FRMPD1: variants seen among roughly 807,000 people sequenced by gnomAD.
FRMPD1 encodes FERM and PDZ domain-containing protein 1.
Under a neutral mutation model 117.8 loss-of-function variants are expected in FRMPD1, and 76 were observed. The ratio of observed to expected loss-of-function variants is 0.65; its 90% CI spans 0.54 to 0.78. FRMPD1 has a LOEUF of 0.78. FRMPD1 is among the 30% of genes least tolerant of loss of function. The probability of loss-of-function intolerance (pLI) is 0.00; values close to 1 mark genes in which losing one functional copy is unlikely to be tolerated. For missense variants in FRMPD1, 1,786 were observed against 1,964.5 expected (o/e 0.91, Z 1.72); for synonymous variants, 783 against 770.4 (o/e 1.02, Z -0.27).
upstream of FRMPD1, among the ~76,000 whole-genome samples, chr9:37,650,393 G>A (rs1820628674): frequency 6.6e-6 from 1 of 152,148 alleles, no homozygotes; most frequent in African/African-American, 2.4e-5. Flanking sequence ...GCCGAGGAAA[G>A]CTAGGAGAAC....
At chr9:37,664,819 T>C (rs1821112390) in intron 1 of FRMPD1, among the ~76,000 whole-genome samples, 1 of 152,124 alleles carries the variant, frequency 6.6e-6, no homozygotes, top group East Asian at 1.9e-4. Context: ...TAGGGGTGAC[T>C]GAGTAATTGG....
intron 1 of FRMPD1, among the ~76,000 whole-genome samples, chr9:37,685,947 G>T (rs775517172): frequency 6.6e-6 from 1 of 152,184 alleles, no homozygotes; most frequent in Non-Finnish European, 1.5e-5. Context: ...CTTTTGAAGG[G>T]TTTATAACCT....
intron 1 of FRMPD1, among the ~76,000 whole-genome samples, chr9:37,686,795 A>G (rs10973487): frequency 0.19 from 28,308 of 152,248 alleles, 3,134 homozygotes; most frequent in Non-Finnish European, 0.26. Flanking sequence ...GATGGCCTTC[A>G]GTCCTATGGA....
Position 37,740,795 on chromosome 9 carries a change from T to C in FRMPD1, c.2267T>C (p.Leu756Pro), listed in dbSNP as rs754631315. ...QPSSMLEPLA[L>P]HPPLAFEDGS... ...AGTTCCATGCTGGAACCCCTGGCCC[T>C]GCACCCACCACTGGCCTTTGAGGAT... The change falls in exon 15 of 16, where the codon CTG becomes CCG. Residue 756 changes from leucine to proline, a missense_variant. By Grantham distance (98) the Leu-to-Pro change is moderately conservative. Transcript: ENST00000377765. The surrounding 1 kb of genome is among the most constrained non-coding windows in gnomAD (Gnocchi z 4.2). The C allele has an allele frequency of 4.3e-6, 7 of 1,614,098 alleles. No individual in the cohort carries two copies. In the East Asian group the frequency reaches 1.6e-4, roughly 36 times the overall value.
At chr9:37,733,328 A>T in intron 10 of FRMPD1, 145 bp from the exon 11 acceptor site, 1 of 753,088 alleles carries the variant, frequency 1.3e-6, no homozygotes. Flanking sequence ...TGTGTGTGTG[A>T]GAAAGAAAAA....
the FRMPD1 span, among the ~76,000 whole-genome samples, chr9:37,639,996 T>G: frequency 6.6e-6 from 1 of 152,214 alleles, no homozygotes; most frequent in African/African-American, 2.4e-5. Flanking sequence ...TCAGGCCAAG[T>G]AGATGCCTCT....
At position 37,685,461 on chromosome 9, in the gene FRMPD1, G is replaced by A. The variant is rs575248148; in HGVS notation, c.-4-7177G>A. On this transcript the variant is annotated intron_variant, in intron 1 of 15. Transcript: ENST00000377765. Reference sequence around the variant, plus strand: ...GATCGAGACTATCCTGGCTAACACGGTGAAACCCTGTCTCTACTAAAAATA... The same window carrying A: ...GATCGAGACTATCCTGGCTAACACGATGAAACCCTGTCTCTACTAAAAATA... Among the ~76,000 whole-genome samples, 15 of 151,820 alleles carry A rather than the reference G, an allele frequency of 9.9e-5. No individual in the cohort carries two copies. In the East Asian group the frequency reaches 2.7e-3, roughly 28 times the overall value.
At chr9:37,638,092 G>T in the FRMPD1 span, among the ~76,000 whole-genome samples, 1 of 135,078 alleles carries the variant, frequency 7.4e-6, no homozygotes, top group Non-Finnish European at 1.5e-5. Flanking sequence ...CTTTTCTTTC[G>T]AGACGGAGTC....
the FRMPD1 span, among the ~76,000 whole-genome samples, chr9:37,642,670 T>C: frequency 6.6e-6 from 1 of 152,166 alleles, no homozygotes; most frequent in Admixed American, 6.5e-5. Flanking sequence ...CTATTCACAT[T>C]GCCTGGAAGC....
the FRMPD1 span, among the ~76,000 whole-genome samples, chr9:37,615,326 G>T: frequency 6.6e-6 from 1 of 152,032 alleles, no homozygotes; most frequent in Non-Finnish European, 1.5e-5. Context: ...GCCTAGGCTG[G>T]TCTTGAACTC....
intron 1 of FRMPD1, among the ~76,000 whole-genome samples, chr9:37,671,782 G>A (rs1163210887): frequency 2.0e-5 from 3 of 152,078 alleles, no homozygotes; most frequent in Non-Finnish European, 2.9e-5. Flanking sequence ...CTTGGTCAAC[G>A]TGATGAAACC....
chr9:37,608,382 CTTTCT>C, the FRMPD1 span, among the ~76,000 whole-genome samples: 1 of 98,484 alleles, frequency 1.0e-5, no homozygotes, highest in Admixed American at 1.3e-4. Context: ...CTTTCTCTTT[CTTTCT>C]TTTTTTTTTT....
chr9:37,689,782 G>A (rs990151506), intron 1 of FRMPD1, among the ~76,000 whole-genome samples: 6 of 152,042 alleles, frequency 3.9e-5, no homozygotes, highest in Non-Finnish European at 4.4e-5. Flanking sequence ...AGTTTGATAG[G>A]GTATCGAATT....
At chr9:37,685,386 G>A (rs1821886297) in intron 1 of FRMPD1, among the ~76,000 whole-genome samples, 1 of 152,190 alleles carries the variant, frequency 6.6e-6, no homozygotes, top group Admixed American at 6.5e-5. Flanking sequence ...GCTCACGCCT[G>A]TAATCCCAGC....
At chr9:37,650,887 G>T (rs1016129707), upstream of FRMPD1, 9 of 148,248 alleles carry the variant, frequency 6.1e-5, no homozygotes, top group African/African-American at 2.2e-4. Flanking sequence ...CTCAGCACCT[G>T]CCGCCGCCAG....
chr9:37,667,735 C>T (rs1821211569), intron 1 of FRMPD1, among the ~76,000 whole-genome samples: 1 of 151,382 alleles, frequency 6.6e-6, no homozygotes, highest in African/African-American at 2.4e-5. Flanking sequence ...TCTTTTTCAA[C>T]CTCTGTAATG....
chr9:37,622,547 G>A, the FRMPD1 span, among the ~76,000 whole-genome samples: 8 of 152,180 alleles, frequency 5.3e-5, no homozygotes, highest in African/African-American at 9.7e-5. Context: ...GTCCAGAAGC[G>A]TTTCTGCTTT....
At chr9:37,667,325 C>G (rs183320482) in intron 1 of FRMPD1, among the ~76,000 whole-genome samples, 2 of 151,128 alleles carry the variant, frequency 1.3e-5, no homozygotes, top group African/African-American at 4.8e-5. Context: ...CTCAGCCTCC[C>G]AAAGTGCTGG....
chr9:37,733,449 C>T (rs1823981502), intron 10 of FRMPD1, 24 bp from the exon 11 acceptor site: 1 of 1,608,116 alleles, frequency 6.2e-7, no homozygotes, highest in South Asian at 1.1e-5. Context: ...AATGGGCCTC[C>T]TTGTCTCCAA....
Sources: gnomAD v4.1 joint callset for allele counts (sites outside exome capture counted in the v4.1 genomes callset) on GRCh38, gnomAD v4.1.1 for gene constraint, Gnocchi (gnomAD v3.1) non-coding constraint, MANE v1.5 for transcripts, NCBI Gene and HGNC (gene_info 2026-07-23, HGNC 2026-07-21) for gene names.